The following ASTN2 variants were observed in gnomAD, a reference collection of about 807,000 sequenced individuals.
The protein encoded by ASTN2 is astrotactin-2.
Under a neutral mutation model 139.8 loss-of-function variants are expected in ASTN2, and 54 were observed. The observed-to-expected ratio is 0.39, with a 90% CI of 0.31 to 0.48. ASTN2 has a LOEUF of 0.48. ASTN2 is among the 20% of genes least tolerant of loss of function. The probability of loss-of-function intolerance (pLI) is 0.95; values close to 1 mark genes in which losing one functional copy is unlikely to be tolerated. For synonymous variants in ASTN2, 756 were observed against 719.5 expected, an observed-to-expected ratio of 1.05 and a Z score of -0.81; for missense variants, 1,565 against 1,725.1, an observed-to-expected ratio of 0.91 and a Z score of 1.64.
intron 3 of ASTN2, among the ~76,000 whole-genome samples, chr9:117,154,326 G>T (rs930042011): frequency 1.3e-5 from 2 of 151,920 alleles, no homozygotes; most frequent in African/African-American, 2.4e-5. Context: ...GAGCAGGCTG[G>T]CTTCATTATT....
At chr9:117,132,482 C>T (rs939371399) in intron 4 of ASTN2, among the ~76,000 whole-genome samples, 16 of 152,184 alleles carry the variant, frequency 1.1e-4, no homozygotes, top group Non-Finnish European at 1.8e-4. Flanking sequence ...GTGAGCCTTC[C>T]GCTAAGGCTG....
At position 116,580,290 on chromosome 9, in the gene ASTN2, AG is replaced by A. The variant is rs1187660027; in HGVS notation, c.3355+38033del. Among the ~76,000 whole-genome samples, 12 of 152,318 alleles carry A rather than the reference AG, an allele frequency of 7.9e-5. No individual in the cohort carries two copies. In the East Asian group the frequency reaches 2.3e-3, roughly 29 times the overall value. On this transcript the variant is annotated intron_variant, in intron 19 of 22. Transcript: ENST00000313400. ...AGGTATGGGGCAGGGGAGAGGAAACAGGAAGACTTGAAATAAGGAGTAGGTC... is the reference window on the plus strand; with the variant it reads ...AGGTATGGGGCAGGGGAGAGGAAACAGAAGACTTGAAATAAGGAGTAGGTC...
chr9:116,893,354 T>C (rs904904473), intron 10 of ASTN2, among the ~76,000 whole-genome samples: 3 of 152,064 alleles, frequency 2.0e-5, no homozygotes, highest in Non-Finnish European at 4.4e-5. Context: ...TAGAGAACAT[T>C]TGGTTGTTGG....
At chr9:116,510,283 C>A (rs1230936959) in intron 19 of ASTN2, among the ~76,000 whole-genome samples, 1 of 152,104 alleles carries the variant, frequency 6.6e-6, no homozygotes. Flanking sequence ...CCATTTCTTG[C>A]TCTTGTCAGG....
intron 3 of ASTN2, among the ~76,000 whole-genome samples, chr9:117,176,484 T>C (rs1830920250): frequency 6.6e-6 from 1 of 152,308 alleles, no homozygotes; most frequent in South Asian, 2.1e-4. Flanking sequence ...GGTTAGAATA[T>C]ATGTAATTAT....
intron 2 of ASTN2, among the ~76,000 whole-genome samples, chr9:117,218,736 A>G (rs528793774): frequency 1.3e-5 from 2 of 152,228 alleles, no homozygotes; most frequent in Non-Finnish European, 2.9e-5. Flanking sequence ...GAGTTGGCCA[A>G]TACTTGTAAT....
In ASTN2 at chr9:116,625,768, C is replaced by T. The variant is rs1159590004; in HGVS notation, c.3073-5325G>A. Among the ~76,000 whole-genome samples, 3 of 152,278 alleles carry T rather than the reference C, an allele frequency of 2.0e-5. No individual in the cohort carries two copies. In the South Asian group the frequency reaches 6.2e-4, roughly 32 times the overall value. On this transcript the variant is annotated intron_variant, in intron 17 of 22. Transcript: ENST00000313400. ...TATTTCATACCCACAAGCCTTTTCT[C>T]ATGCTGTGCCTTTGGTCTGAAGTGC...
chr9:116,862,616 A>G (rs936445625), intron 11 of ASTN2, among the ~76,000 whole-genome samples: 1 of 152,196 alleles, frequency 6.6e-6, no homozygotes, highest in Non-Finnish European at 1.5e-5. Flanking sequence ...TGAAACATGC[A>G]GGCAAGTTCA....
chr9:116,962,744 C>A (rs185021508), intron 10 of ASTN2, among the ~76,000 whole-genome samples: 1 of 151,932 alleles, frequency 6.6e-6, no homozygotes, highest in Non-Finnish European at 1.5e-5. Context: ...TATTTGGAAC[C>A]GCGAGATAAT....
At chr9:116,649,950 C>A (rs1226391243) in intron 17 of ASTN2, among the ~76,000 whole-genome samples, 2 of 152,122 alleles carry the variant, frequency 1.3e-5, no homozygotes, top group African/African-American at 4.8e-5. Context: ...GGTCTTTGTA[C>A]AAACAATGTT....
intron 3 of ASTN2, among the ~76,000 whole-genome samples, chr9:117,161,730 T>C (rs200197009): frequency 1.3e-5 from 2 of 152,168 alleles, no homozygotes; most frequent in East Asian, 3.9e-4. Flanking sequence ...AAAGACTATG[T>C]AAGATTCATA....
At chr9:117,147,404 C>G (rs1327852312) in intron 3 of ASTN2, among the ~76,000 whole-genome samples, 1 of 150,880 alleles carries the variant, frequency 6.6e-6, no homozygotes, top group African/African-American at 2.5e-5. Context: ...CCATTGCACT[C>G]CAGTCTGGGT....
chr9:117,340,747 C>A (rs761265881), intron 1 of ASTN2, among the ~76,000 whole-genome samples: 1 of 152,162 alleles, frequency 6.6e-6, no homozygotes, highest in Non-Finnish European at 1.5e-5. Flanking sequence ...GACAAGATAT[C>A]CCCTTTTCTT....
chr9:116,549,784 GATAC>G (rs1852263483), intron 19 of ASTN2, among the ~76,000 whole-genome samples: 1 of 152,112 alleles, frequency 6.6e-6, no homozygotes, highest in Non-Finnish European at 1.5e-5. Flanking sequence ...CTTCCCCACA[GATAC>G]CCTGCCTCAC....
intron 1 of ASTN2, among the ~76,000 whole-genome samples, chr9:117,300,619 G>T (rs1834853160): frequency 1.3e-5 from 2 of 152,302 alleles, no homozygotes; most frequent in South Asian, 4.1e-4. Context: ...GGCAAGCAGG[G>T]AGAGTCTATA....
chr9:117,295,904 A>G (rs1337604382), intron 1 of ASTN2, among the ~76,000 whole-genome samples: 1 of 152,046 alleles, frequency 6.6e-6, no homozygotes, highest in East Asian at 1.9e-4. Context: ...GAGGAGGAGG[A>G]GAAGGCATAG....
chr9:116,803,124 G>A (rs1195957168), intron 13 of ASTN2, among the ~76,000 whole-genome samples: 1 of 152,050 alleles, frequency 6.6e-6, no homozygotes. Context: ...CTTCCTCAAA[G>A]AGAAGGAATA....
chr9:116,699,651 G>A lies in ASTN2; in HGVS notation c.2806+26120C>T. 1 of 1,614,148 alleles carries A rather than the reference G, an allele frequency of 6.2e-7. No homozygotes were observed. Among genetic ancestry groups the A allele is most frequent in the Non-Finnish European group, 8.5e-7 (1 of 1,180,014 alleles). ...GCAGCTGCTGGTCTTGGACTGTTGG[G>A]ATCATTGCATCAAGATCTACAGCTA... On this transcript the variant is annotated intron_variant, in intron 16 of 22. Coordinates refer to ENST00000313400, the MANE Select transcript of ASTN2 (RefSeq NM_001365068.1). The surrounding 1 kb of genome is among the most constrained non-coding windows in gnomAD (Gnocchi z 4.2).
rs75445564 is a variant in ASTN2 at position 116,842,951 on chromosome 9, A to C, written c.2040+20632T>G. Among the ~76,000 whole-genome samples, 535 of 152,194 alleles carry C rather than the reference A, an allele frequency of 3.5e-3. 3 individuals are homozygous for C. The highest frequency in any genetic ancestry group is 4.4e-3 in the Non-Finnish European group (300 of 68,004). On this transcript the variant is annotated intron_variant, in intron 11 of 22. Transcript: ENST00000313400. The stretch of plus-strand genomic sequence containing the variant: ...CTACACCTGGATCTGGAAACCACTT[A>C]GGCACTACCAGGCAGCACCTGTTCT...
Sources: gnomAD v4.1 joint callset for allele counts (sites outside exome capture counted in the v4.1 genomes callset) on GRCh38, gnomAD v4.1.1 for gene constraint, Gnocchi (gnomAD v3.1) non-coding constraint, MANE v1.5 for transcripts, NCBI Gene and HGNC (gene_info 2026-07-23, HGNC 2026-07-21) for gene names.